The following CR1 variants were observed in gnomAD, a reference collection of about 807,000 sequenced individuals.
CR1 encodes the protein complement C3b/C4b receptor 1 (Knops blood group), also known as complement receptor type 1.
A neutral mutation model predicts 187.3 loss-of-function variants in CR1; 116 were observed. The observed-to-expected ratio is 0.62, with a 90% CI of 0.53 to 0.72. CR1 has a LOEUF of 0.72. Among genes scored for constraint, CR1 ranks in the 30% least tolerant of loss-of-function variants. CR1 has a pLI of 0.00. For synonymous variants in CR1, 576 were observed against 747.1 expected, an observed-to-expected ratio of 0.77 and a Z score of 3.73; for missense variants, 1,731 against 2,110.7, an observed-to-expected ratio of 0.82 and a Z score of 3.52.
chr1:207,580,493 T>A lies in CR1; in HGVS notation c.5114-18T>A, dbSNP rs764755260. 1.3e-6 allele frequency: 2 copies of A among 1,590,594 alleles called. No individual in the cohort carries two copies. The highest frequency in any genetic ancestry group is 1.7e-6 in the Non-Finnish European group (2 of 1,173,532). On this transcript the variant is annotated intron_variant, in intron 30 of 46. Transcript: ENST00000367049. ...GTCTTACTCCTATTTTTTCTTTTTT[T>A]TTTTTTTCTTCTTCTAGTGAAATCC...
chr1:207,622,939 A>G, intron 44 of CR1, 54 bp from the exon 45 acceptor site: 1 of 1,312,100 alleles, frequency 7.6e-7, no homozygotes, highest in Non-Finnish European at 1.1e-6. Flanking sequence ...GATAGAATTT[A>G]AAACCTGTAA....
chr1:207,518,262 A>G (rs942598280), intron 4 of CR1, among the ~76,000 whole-genome samples: 1 of 152,154 alleles, frequency 6.6e-6, no homozygotes, highest in African/African-American at 2.4e-5. Context: ...TCTAGTTATC[A>G]TTCTTTCATT....
At chr1:207,590,596 AT>A (rs1661241071) in intron 35 of CR1, among the ~76,000 whole-genome samples, 1 of 152,222 alleles carries the variant, frequency 6.6e-6, no homozygotes, top group Admixed American at 6.5e-5. Context: ...ACAGGATCAA[AT>A]TTACACATAA....
chr1:207,623,584 CAA>C (rs1214025375), intron 45 of CR1, among the ~76,000 whole-genome samples: 97 of 135,690 alleles, frequency 7.1e-4, no homozygotes, highest in Non-Finnish European at 1.0e-3. Context: ...GACTACATCT[CAA>C]AACACACACA....
chr1:207,621,274 T>A (rs1662308276), intron 43 of CR1, among the ~76,000 whole-genome samples: 1 of 152,108 alleles, frequency 6.6e-6, no homozygotes, highest in Admixed American at 6.5e-5. Context: ...AAACATTTTT[T>A]AAAAATTGTC....
intron 1 of CR1, among the ~76,000 whole-genome samples, chr1:207,496,659 G>C (rs1436849386): frequency 1.3e-5 from 2 of 152,220 alleles, no homozygotes; most frequent in Non-Finnish European, 2.9e-5. Flanking sequence ...GATGCTGAGC[G>C]GGTGCCGCAC....
At chr1:207,525,084 T>G (rs963885988) in intron 5 of CR1, among the ~76,000 whole-genome samples, 1 of 151,324 alleles carries the variant, frequency 6.6e-6, no homozygotes, top group Non-Finnish European at 1.5e-5. Flanking sequence ...AAGGCAGAGG[T>G]GCTACACACT....
At chr1:207,514,707 C>T (rs1659729297) in intron 4 of CR1, among the ~76,000 whole-genome samples, 1 of 152,130 alleles carries the variant, frequency 6.6e-6, no homozygotes, top group Non-Finnish European at 1.5e-5. Flanking sequence ...TTCATCATCC[C>T]ATTCCTAACA....
At chr1:207,624,033 C>T (rs1253389046) in intron 45 of CR1, among the ~76,000 whole-genome samples, 1 of 144,472 alleles carries the variant, frequency 6.9e-6, no homozygotes, top group Non-Finnish European at 1.5e-5. Context: ...TCAAGCGATT[C>T]TCATGCCTCA....
At chr1:207,582,573 T>C (rs1018224672) in intron 32 of CR1, among the ~76,000 whole-genome samples, 1 of 152,182 alleles carries the variant, frequency 6.6e-6, no homozygotes, top group African/African-American at 2.4e-5. Context: ...TGCTGTCAAT[T>C]GAGAATGTAG....
rs559200539 is a variant in CR1, at chr1:207,508,022, C to T, written c.401+1209C>T. Among the ~76,000 whole-genome samples, 6 of 152,238 alleles carry T rather than the reference C, an allele frequency of 3.9e-5. No individual in the cohort carries two copies. In the South Asian group the frequency reaches 1.2e-3, roughly 32 times the overall value. ...AATAGTGAACCTTTTTTCACCATCA[C>T]TAAGTGAAAGAAGCCAATCTGAAAA... On this transcript the variant is annotated intron_variant, in intron 3 of 46. Coordinates refer to ENST00000367049, the MANE Select transcript of CR1 (RefSeq NM_000651.6).
At chr1:207,496,471 C>T in intron 1 of CR1, 83 bp downstream of exon 1, 4 of 1,328,596 alleles carry the variant, frequency 3.0e-6, no homozygotes, top group Non-Finnish European at 4.0e-6. Flanking sequence ...CAGCGCTGAG[C>T]TGCGCTGCTC....
rs886349214 is a variant in CR1 at position 207,640,352 on chromosome 1, G to A, written c.*943G>A. The A allele has an allele frequency of 2.0e-5, 3 of 152,146 alleles. No homozygotes were observed. Among genetic ancestry groups the A allele is most frequent in the African/African-American group, 7.2e-5 (3 of 41,416 alleles). 9.4% of individuals were successfully genotyped at this position (152,146 alleles called of 1,614,324 possible). A position where few individuals can be genotyped will look rare whatever the true frequency, so the allele number is the denominator to read the frequency against. On this transcript the variant is annotated 3_prime_UTR_variant, in exon 47 of 47. Coordinates refer to ENST00000367049, the MANE Select transcript of CR1 (RefSeq NM_000651.6). ...GGGTTTCACCATGTTAGCCAGGATG[G>A]TCTGGATCTCCTGACCTCGTGATCC...
intron 35 of CR1, among the ~76,000 whole-genome samples, chr1:207,607,028 G>T (rs1205258146): frequency 1.3e-5 from 2 of 152,166 alleles, no homozygotes; most frequent in African/African-American, 4.8e-5. Flanking sequence ...TCATTCAGTT[G>T]TGAGGGATTA....
chr1:207,511,174 A>G (rs11117959), intron 3 of CR1, among the ~76,000 whole-genome samples: 30,260 of 152,060 alleles, frequency 0.2, 3,302 homozygotes, highest in South Asian at 0.44. Context: ...CCATGCATCC[A>G]TGCATCCATA....
Position 207,639,749 on chromosome 1 carries a change from T to C in CR1, c.*340T>C, listed in dbSNP as rs1215400536. On this transcript the variant is annotated 3_prime_UTR_variant, in exon 47 of 47. Transcript: ENST00000367049. ...TTTCTGGTTTGTAAGGTGGTCACTG[T>C]TCTTTTTTAAAATATTTGTAATATG... 1.0e-5 allele frequency: 2 copies of C among 200,696 alleles called. No individual in the cohort carries two copies. Among genetic ancestry groups the C allele is most frequent in the Non-Finnish European group, 1.0e-5 (1 of 100,266 alleles). The allele number at this position is 200,696 out of a possible 1,614,324, so 12.4% of individuals were successfully genotyped here.
intron 1 of CR1, among the ~76,000 whole-genome samples, chr1:207,504,917 T>G (rs1659382359): frequency 6.6e-6 from 1 of 152,182 alleles, no homozygotes; most frequent in Non-Finnish European, 1.5e-5. Flanking sequence ...CTCCACCTCC[T>G]GTCAGATTAG....
intron 27 of CR1, among the ~76,000 whole-genome samples, chr1:207,574,556 G>GA (rs1196304570): frequency 2.0e-5 from 3 of 151,864 alleles, no homozygotes; most frequent in East Asian, 1.9e-4. Flanking sequence ...TTGGTAAAAA[G>GA]AAAAAACAAC....
intron 33 of CR1, among the ~76,000 whole-genome samples, chr1:207,586,199 G>A (rs1183893845): frequency 6.6e-6 from 1 of 151,912 alleles, no homozygotes; most frequent in African/African-American, 2.4e-5. Context: ...GTAGAGTGGT[G>A]CAATCATAGT....
Sources: allele counts gnomAD v4.1 joint callset (sites outside exome capture counted in the v4.1 genomes callset), GRCh38; gene constraint gnomAD v4.1.1; transcripts MANE v1.5; gene names NCBI Gene and HGNC (gene_info 2026-07-23, HGNC 2026-07-21).